TENT4B: variants seen among roughly 807,000 people sequenced by gnomAD.
TENT4B encodes terminal nucleotidyltransferase 4B.
A neutral mutation model predicts 75.0 loss-of-function variants in TENT4B; 10 were observed. That is an observed-to-expected ratio of 0.13 (90% CI 0.08 to 0.23). The LOEUF (loss-of-function observed/expected upper bound fraction) is 0.23, where lower values mean the gene tolerates loss of function less well. TENT4B is among the 10% of genes least tolerant of loss of function. The probability of loss-of-function intolerance (pLI) is 1.00; values close to 1 mark genes in which losing one functional copy is unlikely to be tolerated. For synonymous variants in TENT4B, 350 were observed against 357.7 expected, an observed-to-expected ratio of 0.98 and a Z score of 0.24; for missense variants, 579 against 893.8, an observed-to-expected ratio of 0.65 and a Z score of 4.49.
At chr16:50,223,409 G>C in intron 7 of TENT4B, 22 bp downstream of exon 7, 1 of 1,550,920 alleles carries the variant, frequency 6.4e-7, no homozygotes, top group Non-Finnish European at 8.8e-7. Flanking sequence ...AGGTAAATTT[G>C]TGGGCATTCA....
At chr16:50,167,262 C>T (rs776186835) in intron 1 of TENT4B, among the ~76,000 whole-genome samples, 27 of 152,116 alleles carry the variant, frequency 1.8e-4, no homozygotes, top group Non-Finnish European at 2.5e-4. Context: ...AGAAAGTTTA[C>T]AAGTTTATGT....
rs2037813418 is a variant in TENT4B at position 50,153,467 on chromosome 16, GC to G, written c.-154del. ...CGCCGGCCGGGCTCCCTGCGCGACC[GC>G]GCCGCCCGCGGCGGGCCCCGAGCAG... On this transcript the variant is annotated 5_prime_UTR_variant, in exon 1 of 12. Transcript: ENST00000561678. The G allele has an allele frequency of 1.0e-6, 1 of 968,998 alleles. No homozygotes were observed. The highest frequency in any genetic ancestry group is 1.2e-6 in the Non-Finnish European group (1 of 818,004). The allele number at this position is 968,998 out of a possible 1,614,324, so 60.0% of individuals were successfully genotyped here.
intron 1 of TENT4B, among the ~76,000 whole-genome samples, chr16:50,155,272 G>GGT (rs60683678): frequency 0.065 from 8,777 of 135,360 alleles, 365 homozygotes; most frequent in African/African-American, 0.12. Context: ...GGGTCTCGTG[G>GGT]GTGTGTGTGT....
intron 1 of TENT4B, among the ~76,000 whole-genome samples, chr16:50,206,778 G>T (rs939839652): frequency 6.6e-6 from 1 of 152,118 alleles, no homozygotes; most frequent in Non-Finnish European, 1.5e-5. Flanking sequence ...GCTGAAGGAT[G>T]CGAAATGGTT....
At chr16:50,161,422 G>A (rs765712485) in intron 1 of TENT4B, among the ~76,000 whole-genome samples, 27 of 152,252 alleles carry the variant, frequency 1.8e-4, no homozygotes, top group Admixed American at 5.2e-4. Flanking sequence ...GTGCACAAGA[G>A]ATTTCACATA....
chr16:50,231,429 A>G lies in TENT4B; in HGVS notation c.*2101A>G, dbSNP rs973204937. ...AGACACTTAATACTTGCAGAGATCT[A>G]TGTTACATTTACCACACTGAAGTTT... On this transcript the variant is annotated 3_prime_UTR_variant, in exon 12 of 12. Coordinates refer to ENST00000561678, the MANE Select transcript of TENT4B (RefSeq NM_001365324.3). 33 of 984,914 alleles carry G rather than the reference A, an allele frequency of 3.4e-5. No homozygotes were observed. Among genetic ancestry groups the G allele is most frequent in the Non-Finnish European group, 3.7e-5 (31 of 829,184 alleles). The allele number at this position is 984,914 out of a possible 1,614,324, so 61.0% of individuals were successfully genotyped here. A position where few individuals can be genotyped will look rare whatever the true frequency, so the allele number is the denominator to read the frequency against.
chr16:50,166,780 A>ATTTTTTTTTT (rs57856238), intron 1 of TENT4B, among the ~76,000 whole-genome samples: 3 of 115,282 alleles, frequency 2.6e-5, no homozygotes, highest in Non-Finnish European at 3.7e-5. Context: ...TGCCTGGCTA[A>ATTTTTTTTTT]TTTTTTTTTT....
intron 11 of TENT4B, among the ~76,000 whole-genome samples, chr16:50,228,845 G>A (rs1022030295): frequency 4.6e-5 from 7 of 152,188 alleles, no homozygotes; most frequent in African/African-American, 1.7e-4. Flanking sequence ...TTCCCGCTCT[G>A]TCACTTATGA....
intron 1 of TENT4B, among the ~76,000 whole-genome samples, chr16:50,168,124 G>A (rs80352978): frequency 0.015 from 461 of 31,074 alleles, 2 homozygotes; most frequent in Middle Eastern, 0.05. Context: ...AAAAAAAAAA[G>A]AATGCAGAAG....
In TENT4B at chr16:50,172,923, A is replaced by G. The variant is rs566659883; in HGVS notation, c.638+18664A>G. On this transcript the variant is annotated intron_variant, in intron 1 of 11. Coordinates refer to ENST00000561678, the MANE Select transcript of TENT4B (RefSeq NM_001365324.3). ...GAATCATACAGATTGGCTTCTTTCC[A>G]TGTTCCTTCCTGGCTTGATAGCTCT... 2.6e-5 allele frequency among the ~76,000 whole-genome samples: 4 copies of G among 152,098 alleles called. No homozygotes were observed. In the East Asian group the frequency reaches 5.8e-4, roughly 22 times the overall value.
intron 1 of TENT4B, among the ~76,000 whole-genome samples, chr16:50,178,472 CAT>C (rs2038351834): frequency 6.6e-6 from 1 of 151,728 alleles, no homozygotes; most frequent in African/African-American, 2.4e-5. Context: ...AAGTTGATGA[CAT>C]AAAGTTCATT....
intron 1 of TENT4B, among the ~76,000 whole-genome samples, chr16:50,184,952 C>T (rs1043248458): frequency 2.0e-5 from 3 of 152,090 alleles, no homozygotes; most frequent in African/African-American, 7.2e-5. Context: ...TTAATTGAGC[C>T]TGTTGTGTTC....
intron 1 of TENT4B, among the ~76,000 whole-genome samples, chr16:50,184,485 G>A (rs983515810): frequency 2.0e-5 from 3 of 152,092 alleles, no homozygotes; most frequent in Non-Finnish European, 4.4e-5. Flanking sequence ...TGGCTAACAC[G>A]GTGAAACCCC....
chr16:50,153,489 AGCAGCAGCAGCAGCAGCAGCG>A lies in TENT4B; in HGVS notation c.-124_-104del, dbSNP rs1188900690. On this transcript the variant is annotated 5_prime_UTR_variant, in exon 1 of 12. Coordinates refer to ENST00000561678, the MANE Select transcript of TENT4B (RefSeq NM_001365324.3). ...ACCGCGCCGCCCGCGGCGGGCCCCG[AGCAGCAGCAGCAGCAGCAGCG>A]GCAGCAGCGGCAGCAGCAGCAGCAG... 2.8e-5 allele frequency: 26 copies of A among 915,928 alleles called. 1 individual carries two copies. Among genetic ancestry groups the A allele is most frequent in the African/African-American group, 2.1e-4 (10 of 47,860 alleles). The allele number at this position is 915,928 out of a possible 1,614,324, so 56.7% of individuals were successfully genotyped here. A position where few individuals can be genotyped will look rare whatever the true frequency, so the allele number is the denominator to read the frequency against.
chr16:50,167,317 A>G (rs1597225810), intron 1 of TENT4B, among the ~76,000 whole-genome samples: 1 of 151,878 alleles, frequency 6.6e-6, no homozygotes, highest in Middle Eastern at 3.5e-3. Flanking sequence ...CGTGGGTTGG[A>G]TGAGCTTGTT....
At chr16:50,170,299 G>A (rs571943723) in intron 1 of TENT4B, among the ~76,000 whole-genome samples, 1 of 152,114 alleles carries the variant, frequency 6.6e-6, no homozygotes, top group Non-Finnish European at 1.5e-5. Context: ...GATTACAGGC[G>A]TGAGCCACCA....
intron 1 of TENT4B, among the ~76,000 whole-genome samples, chr16:50,205,691 A>C (rs1312878609): frequency 7.0e-6 from 1 of 141,896 alleles, no homozygotes; most frequent in Non-Finnish European, 1.5e-5. Context: ...CCTGGGTTCA[A>C]GTGATTCTCA....
chr16:50,213,730 A>G (rs1159353888), intron 2 of TENT4B, among the ~76,000 whole-genome samples: 3 of 152,222 alleles, frequency 2.0e-5, no homozygotes, highest in African/African-American at 7.2e-5. Flanking sequence ...AAAAAACTAT[A>G]AAAATAACAA....
chr16:50,198,278 G>T (rs982740153), intron 1 of TENT4B, among the ~76,000 whole-genome samples: 1 of 151,782 alleles, frequency 6.6e-6, no homozygotes, highest in Non-Finnish European at 1.5e-5. Context: ...AATTAGCCAC[G>T]TGTGGTGGTG....
Sources: allele counts gnomAD v4.1 joint callset (sites outside exome capture counted in the v4.1 genomes callset), GRCh38; gene constraint gnomAD v4.1.1; transcripts MANE v1.5; gene names NCBI Gene and HGNC (gene_info 2026-07-23, HGNC 2026-07-21).